The following GSE1 variants were observed in gnomAD, a reference collection of about 807,000 sequenced individuals.
GSE1 encodes genetic suppressor element 1.
A neutral mutation model predicts 112.6 loss-of-function variants in GSE1; 32 were observed. That is an observed-to-expected ratio of 0.28 (90% CI 0.21 to 0.38). GSE1 has a LOEUF of 0.38. GSE1 is among the 10% of genes least tolerant of loss of function. The probability of loss-of-function intolerance (pLI) is 1.00; values close to 1 mark genes in which losing one functional copy is unlikely to be tolerated. For synonymous variants in GSE1, 1,115 were observed against 735.6 expected, an observed-to-expected ratio of 1.52 and a Z score of -8.35; for missense variants, 2,348 against 1,699.2, an observed-to-expected ratio of 1.38 and a Z score of -6.71.
intron 1 of GSE1, among the ~76,000 whole-genome samples, chr16:85,582,434 C>A (rs2046488508): frequency 6.6e-6 from 1 of 152,106 alleles, no homozygotes; most frequent in East Asian, 1.9e-4. Context: ...AAATGGTGTT[C>A]TTGGGGCCTT....
intron 1 of GSE1, among the ~76,000 whole-genome samples, chr16:85,182,347 G>A (rs894945087): frequency 1.3e-5 from 2 of 152,236 alleles, no homozygotes; most frequent in Non-Finnish European, 2.9e-5. Context: ...GGCTCCAGAG[G>A]ATGGGAGGAG....
At chr16:85,545,416 G>GT (rs1269183911) in intron 2 of GSE1, among the ~76,000 whole-genome samples, 1 of 152,178 alleles carries the variant, frequency 6.6e-6, no homozygotes, top group Admixed American at 6.5e-5. Flanking sequence ...TGCCCTTCCT[G>GT]TTTTTTGTTT....
chr16:85,628,404 C>T (rs1033575050), intron 1 of GSE1, among the ~76,000 whole-genome samples: 4 of 152,188 alleles, frequency 2.6e-5, no homozygotes, highest in African/African-American at 9.7e-5. Context: ...GCCCATGGGG[C>T]CCGGGGAGCA....
At chr16:85,464,236 C>G (rs945996141) in intron 2 of GSE1, among the ~76,000 whole-genome samples, 1 of 151,910 alleles carries the variant, frequency 6.6e-6, no homozygotes, top group Non-Finnish European at 1.5e-5. Context: ...GTGGAGAGGT[C>G]GCGAACGGTT....
At chr16:85,205,133 A>T (rs1288832908) in intron 1 of GSE1, among the ~76,000 whole-genome samples, 3 of 150,984 alleles carry the variant, frequency 2.0e-5, no homozygotes, top group South Asian at 2.1e-4. Context: ...TTATTTATTT[A>T]TTTTTTATTT....
At chr16:85,662,905 C>A (rs2052547496) in intron 9 of GSE1, 76 bp from the exon 10 acceptor site, 14 of 1,026,420 alleles carry the variant, frequency 1.4e-5, no homozygotes, top group Non-Finnish European at 2.1e-5. Context: ...GCTCTGCACA[C>A]ATGAGGCCCT....
Position 85,463,701 on chromosome 16 carries a change from C to T in GSE1, c.2464+106058C>T, listed in dbSNP as rs140933888. 2.0e-5 allele frequency among the ~76,000 whole-genome samples: 3 copies of T among 152,338 alleles called. No individual in the cohort carries two copies. In the East Asian group the frequency reaches 5.8e-4, roughly 29 times the overall value. ...TCAGCTCTCTGGGGAGAACTCCTGG[C>T]ATCAAGGCCTCGCATCACTGGCACA... On this transcript the variant is annotated intron_variant, in intron 2 of 2. Coordinates refer to the GSE1 transcript ENST00000637419.
intron 2 of GSE1, among the ~76,000 whole-genome samples, chr16:85,361,320 CA>C (rs1446245123): frequency 3.2e-5 from 3 of 95,184 alleles, no homozygotes; most frequent in Middle Eastern, 6.0e-3. Flanking sequence ...CAGACCCCCC[CA>C]CACACAAACA....
chr16:85,570,810 T>A (rs2045951488), intron 1 of GSE1, among the ~76,000 whole-genome samples: 1 of 152,148 alleles, frequency 6.6e-6, no homozygotes, highest in African/African-American at 2.4e-5. Flanking sequence ...CACAGGATTC[T>A]CTCGAAGACC....
At chr16:85,287,610 C>G (rs1198481460) in intron 1 of GSE1, among the ~76,000 whole-genome samples, 3 of 152,110 alleles carry the variant, frequency 2.0e-5, no homozygotes, top group Non-Finnish European at 2.9e-5. Context: ...CGGCTCCTCC[C>G]TCGCTTCCTT....
intron 2 of GSE1, among the ~76,000 whole-genome samples, chr16:85,441,614 T>A (rs1284330666): frequency 1.3e-5 from 2 of 152,180 alleles, no homozygotes; most frequent in Admixed American, 1.3e-4. Context: ...ACCACTGCAC[T>A]CCAGCCTGGG....
At chr16:85,390,521 C>G (rs1376965352) in intron 2 of GSE1, among the ~76,000 whole-genome samples, 1 of 152,176 alleles carries the variant, frequency 6.6e-6, no homozygotes, top group Non-Finnish European at 1.5e-5. Flanking sequence ...GGTCCTATAA[C>G]TTGTTGGAAG....
intron 2 of GSE1, among the ~76,000 whole-genome samples, chr16:85,638,898 G>A (rs748798727): frequency 5.9e-5 from 9 of 152,264 alleles, no homozygotes; most frequent in East Asian, 3.9e-4. Flanking sequence ...GGGAGCCTGC[G>A]GTGGCTTCCT....
At chr16:85,494,316 A>C (rs920928509) in intron 2 of GSE1, among the ~76,000 whole-genome samples, 4 of 152,156 alleles carry the variant, frequency 2.6e-5, no homozygotes, top group African/African-American at 9.7e-5. Context: ...GCTTCACTAC[A>C]GTCTCTTCCT....
At chr16:85,209,968 G>T (rs2075196827) in intron 1 of GSE1, among the ~76,000 whole-genome samples, 1 of 152,222 alleles carries the variant, frequency 6.6e-6, no homozygotes, top group Non-Finnish European at 1.5e-5. Flanking sequence ...ATTCAAATGA[G>T]AGGAGACACA....
chr16:85,658,132 C>G (rs2052126601), intron 8 of GSE1, among the ~76,000 whole-genome samples: 1 of 152,230 alleles, frequency 6.6e-6, no homozygotes, highest in African/African-American at 2.4e-5. Flanking sequence ...GTCCCTTGGA[C>G]CCCGGCTGCA....
Position 85,657,409 on chromosome 16 carries a change from C to G in GSE1, c.1445C>G (p.Ala482Gly). ...ATCTTCTCTCTGCCTAGCAGCAGTGCTGCCACAGCCCTGCTGATCCAGCGC... is the reference window on the plus strand; with the variant it reads ...ATCTTCTCTCTGCCTAGCAGCAGTGGTGCCACAGCCCTGCTGATCCAGCGC... The part of the protein sequence containing the change: ...HGIFSLPSSS[A>G]ATALLIQRTN... The change falls in exon 8 of 16, where the codon GCT becomes GGT. Residue 482 changes from alanine (A) to glycine (G), a missense_variant. Coordinates refer to ENST00000253458, the MANE Select transcript of GSE1 (RefSeq NM_014615.5). 2 of 1,612,814 alleles carry G rather than the reference C, an allele frequency of 1.2e-6. No homozygotes were observed. The highest frequency in any genetic ancestry group is 1.7e-4 in the Middle Eastern group (1 of 6,058).
intron 3 of GSE1, among the ~76,000 whole-genome samples, chr16:85,649,343 C>T (rs961104195): frequency 2.6e-5 from 4 of 152,188 alleles, no homozygotes; most frequent in African/African-American, 9.7e-5. Flanking sequence ...GAGCACCCGG[C>T]ACACTAGCTG....
Position 85,672,481 on chromosome 16 carries a change from G to A in GSE1, c.3596G>A (p.Cys1199Tyr). 1 of 1,611,828 alleles carries A rather than the reference G, an allele frequency of 6.2e-7. No individual in the cohort carries two copies. The highest frequency in any genetic ancestry group is 1.1e-5 in the South Asian group (1 of 90,846). The change falls in exon 16 of 16, where the codon TGC (cysteine) becomes TAC (tyrosine). Residue 1199 changes from cysteine to tyrosine, a missense_variant. Physicochemically the swap from Cys to Tyr is radical, Grantham distance 194. Transcript: ENST00000253458. ...GCAGAACTGGACCACTTACGAAAGT[G>A]CCTTGCCTTGCCTGCAATGCACTGG... ...LQAELDHLRK[C>Y]LALPAMHWPR...
Sources: gnomAD v4.1 joint callset for allele counts (sites outside exome capture counted in the v4.1 genomes callset) on GRCh38, gnomAD v4.1.1 for gene constraint, MANE v1.5 for transcripts, NCBI Gene and HGNC (gene_info 2026-07-23, HGNC 2026-07-21) for gene names.